SLC38A8: variants seen among roughly 807,000 people sequenced by gnomAD.
SLC38A8 encodes the protein amino acid transporter SLC38A8.
SLC38A8 carries 65 observed loss-of-function variants against 46.0 expected under a neutral mutation model. The ratio of observed to expected loss-of-function variants is 1.41; its 90% CI spans 1.16 to 1.74. The LOEUF (loss-of-function observed/expected upper bound fraction) is 1.74, where lower values mean the gene tolerates loss of function less well. Ranked by LOEUF, SLC38A8 falls within the 40% of genes most tolerant of loss-of-function variation. The pLI is 0.00. For synonymous variants in SLC38A8, 447 were observed against 243.7 expected (o/e 1.83, Z -7.77); for missense variants, 998 against 567.9 (o/e 1.76, Z -7.70).
intron 1 of SLC38A8, 61 bp from the exon 2 acceptor site, chr16:84,042,220 C>A (rs200566984): frequency 6.6e-7 from 1 of 1,520,934 alleles, no homozygotes; most frequent in Non-Finnish European, 8.8e-7. Flanking sequence ...CCTAAGTTCT[C>A]GATATCCTTA....
At position 84,035,013 on chromosome 16, in the gene SLC38A8, GC is replaced by G. The variant is rs147634417; in HGVS notation, c.389-1545del. On this transcript the variant is annotated intron_variant, in intron 3 of 10. Coordinates refer to ENST00000299709, the MANE Select transcript of SLC38A8 (RefSeq NM_001080442.3). The stretch of plus-strand genomic sequence containing the variant: ...TCTAGCACTCCGTCTCAGAAGCTTG[GC>G]CTTCCCTACAGAGAGGCATCCCCAA... Among the ~76,000 whole-genome samples the G allele has an allele frequency of 7.3e-3, 1,112 of 152,256 alleles. 7 individuals are homozygous for G. The highest frequency in any genetic ancestry group is 0.011 in the South Asian group (51 of 4,822).
chr16:84,033,852 C>G (rs534941499), intron 3 of SLC38A8, among the ~76,000 whole-genome samples: 1 of 152,296 alleles, frequency 6.6e-6, no homozygotes, highest in African/African-American at 2.4e-5. Context: ...TTTTGGCCAC[C>G]GTGCCGTCAG....
intron 10 of SLC38A8, among the ~76,000 whole-genome samples, chr16:84,010,801 C>T (rs1452943818): frequency 1.3e-5 from 2 of 152,138 alleles, no homozygotes; most frequent in Non-Finnish European, 1.5e-5. Flanking sequence ...TCCCCCCACC[C>T]TCCCTTTCTG....
At chr16:84,020,141 GTTTT>G (rs55834950) in intron 7 of SLC38A8, among the ~76,000 whole-genome samples, 18 of 136,110 alleles carry the variant, frequency 1.3e-4, no homozygotes, top group African/African-American at 4.1e-4. Context: ...AACATCCGTT[GTTTT>G]TTTTTTTTTT....
intron 3 of SLC38A8, among the ~76,000 whole-genome samples, chr16:84,033,742 G>C (rs908883289): frequency 2.0e-5 from 3 of 152,180 alleles, no homozygotes; most frequent in African/African-American, 7.2e-5. Context: ...GACCAGACAA[G>C]CCATCTGCCC....
At chr16:84,017,351 AACAG>A (rs1214442108) in intron 7 of SLC38A8, 64 bp from the exon 8 acceptor site, 6 of 1,583,508 alleles carry the variant, frequency 3.8e-6, no homozygotes, top group African/African-American at 1.4e-5. Context: ...CTCCCCCACC[AACAG>A]ACAGACAGCG....
chr16:84,010,641 G>T (rs2084942018), intron 10 of SLC38A8, among the ~76,000 whole-genome samples: 1 of 152,172 alleles, frequency 6.6e-6, no homozygotes, highest in South Asian at 2.1e-4. Context: ...CAGCTATGTG[G>T]GAGGCTGAGG....
chr16:84,018,131 A>T (rs948356162), intron 7 of SLC38A8, among the ~76,000 whole-genome samples: 1 of 151,158 alleles, frequency 6.6e-6, no homozygotes, highest in African/African-American at 2.4e-5. Flanking sequence ...GAGTGCCCAC[A>T]CTGGTGAGGG....
At chr16:84,014,424 G>A (rs1166144386) in intron 9 of SLC38A8, among the ~76,000 whole-genome samples, 1 of 150,142 alleles carries the variant, frequency 6.7e-6, no homozygotes, top group African/African-American at 2.5e-5. Context: ...GAGCAGCTGT[G>A]TGGCCACACC....
At chr16:84,018,989 A>G (rs1160550831) in intron 7 of SLC38A8, among the ~76,000 whole-genome samples, 1 of 152,092 alleles carries the variant, frequency 6.6e-6, no homozygotes, top group African/African-American at 2.4e-5. Context: ...TGGTATGGGG[A>G]GGTGGCCTCT....
At chr16:84,018,985 G>A (rs979861321) in intron 7 of SLC38A8, among the ~76,000 whole-genome samples, 1 of 152,126 alleles carries the variant, frequency 6.6e-6, no homozygotes, top group Admixed American at 6.5e-5. Context: ...ACCCTGGTAT[G>A]GGGAGGTGGC....
intron 6 of SLC38A8, among the ~76,000 whole-genome samples, chr16:84,023,303 T>C (rs1234591789): frequency 3.3e-5 from 5 of 151,612 alleles, no homozygotes; most frequent in African/African-American, 9.7e-5. Context: ...GGGAAAAGGG[T>C]ACAGGAGCAG....
Position 84,029,482 on chromosome 16 carries a change from T to G in SLC38A8, c.690+12A>C. ...CAAACGCCACAGGCTGCAACACAGA[T>G]GCTAAAATTACCTGAAACCCGAAGC... is the stretch of plus-strand genomic sequence containing the variant. On this transcript the variant is annotated intron_variant, in intron 6 of 10. Coordinates refer to ENST00000299709, the MANE Select transcript of SLC38A8 (RefSeq NM_001080442.3). The G allele has an allele frequency of 6.2e-7, 1 of 1,613,808 alleles. No individual in the cohort carries two copies. The highest frequency in any genetic ancestry group is 8.5e-7 in the Non-Finnish European group (1 of 1,179,886).
At chr16:84,021,424 C>A (rs908677904) in intron 7 of SLC38A8, among the ~76,000 whole-genome samples, 2 of 152,166 alleles carry the variant, frequency 1.3e-5, no homozygotes, top group African/African-American at 4.8e-5. Context: ...ACAGTTCAGC[C>A]AAATTATTTG....
At position 84,032,385 on chromosome 16, in the gene SLC38A8, CACCGTGTTGGTCAGGCTGGTTTTG is replaced by C. The variant is rs2085251623; in HGVS notation, c.531-441_531-418del. The stretch of plus-strand genomic sequence containing the variant: ...TGTACTTTTAGTAGAGACAGGGTTT[CACCGTGTTGGTCAGGCTGGTTTTG>C]AACTGCTGACCTCGTGATCTGCCTG... On this transcript the variant is annotated intron_variant, in intron 4 of 10. Coordinates refer to ENST00000299709, the MANE Select transcript of SLC38A8 (RefSeq NM_001080442.3). Among the ~76,000 whole-genome samples, 3 of 152,192 alleles carry C rather than the reference CACCGTGTTGGTCAGGCTGGTTTTG, an allele frequency of 2.0e-5. No homozygotes were observed. The South Asian group carries it at 6.2e-4, about 32-fold the overall frequency.
chr16:84,017,046 C>G, intron 8 of SLC38A8, 94 bp downstream of exon 8: 1 of 1,508,236 alleles, frequency 6.6e-7, no homozygotes, highest in Non-Finnish European at 8.9e-7. Context: ...GATGGTAGTC[C>G]CACAGCCGCG....
rs201004000 is a variant in SLC38A8 at position 84,036,808 on chromosome 16, C to A, written c.282G>T (p.Gly94=). ...GQATYQGVVR[G]LCGPAIGKLC... ...GCTTCCCAATGGCAGGGCCACACAGCCCCCTGACCACACCCTGGTAGGTGG... is the reference window on the plus strand; with the variant it reads ...GCTTCCCAATGGCAGGGCCACACAGACCCCTGACCACACCCTGGTAGGTGG... Residue 94 remains glycine (G), a synonymous_variant, in exon 3 of 11, where the codon GGG becomes GGT. Coordinates refer to ENST00000299709, the MANE Select transcript of SLC38A8 (RefSeq NM_001080442.3). The A allele has an allele frequency of 1.0e-4, 169 of 1,614,074 alleles. No individual in the cohort carries two copies. In the African/African-American group the frequency reaches 1.9e-3, roughly 18 times the overall value.
intron 6 of SLC38A8, 30 bp downstream of exon 6, chr16:84,029,464 C>A (rs1445276153): frequency 4.3e-6 from 7 of 1,612,982 alleles, no homozygotes; most frequent in Non-Finnish European, 5.9e-6. Flanking sequence ...CTGCAAACGC[C>A]ACAGGCTGCA....
Position 84,033,414 on chromosome 16 carries a change from G to C in SLC38A8, c.444C>G (p.Asp148Glu), listed in dbSNP as rs922130705. 1.2e-6 allele frequency: 2 copies of C among 1,613,590 alleles called. No homozygotes were observed. The highest frequency in any genetic ancestry group is 2.2e-5 in the East Asian group (1 of 44,864). ...TPPAPQPWYA[D>E]QRFTLPLLSV... ...AGAGCAGGGGCAGGGTGAAGCGCTGGTCTGCGTACCACGGCTGCGGGGCGG... is the reference window on the plus strand; with the variant it reads ...AGAGCAGGGGCAGGGTGAAGCGCTGCTCTGCGTACCACGGCTGCGGGGCGG... The change falls in exon 4 of 11, where the codon GAC (aspartate) becomes GAG (glutamate). Residue 148 changes from aspartate (D) to glutamate (E), a missense_variant. Coordinates refer to ENST00000299709, the MANE Select transcript of SLC38A8 (RefSeq NM_001080442.3).
Sources: gnomAD v4.1 joint callset for allele counts (sites outside exome capture counted in the v4.1 genomes callset) on GRCh38, gnomAD v4.1.1 for gene constraint, MANE v1.5 for transcripts, NCBI Gene and HGNC (gene_info 2026-07-23, HGNC 2026-07-21) for gene names.